The following ZNF37A variants were observed in gnomAD, a reference collection of about 807,000 sequenced individuals.
ZNF37A encodes zinc finger protein 37a (KOX 21).
In ZNF37A, 10 loss-of-function variants were observed where a neutral mutation model predicts 12.3. The ratio of observed to expected loss-of-function variants is 0.82; its 90% confidence interval spans 0.50 to 1.38. ZNF37A has a LOEUF of 1.38. ZNF37A is among the 40% of genes most tolerant of loss of function. The pLI, the probability that ZNF37A is intolerant of heterozygous loss-of-function variation, is 0.00. For missense variants in ZNF37A, 580 were observed against 651.2 expected (o/e 0.89, Z 1.19); for synonymous variants, 207 against 223.0 (o/e 0.93, Z 0.64).
rs925757656 is a variant in ZNF37A at position 38,119,116 on chromosome 10, A to T, written c.*279A>T. 8 of 1,091,448 alleles carry T rather than the reference A, an allele frequency of 7.3e-6. No homozygotes were observed. In the African/African-American group the frequency reaches 1.3e-4, roughly 18 times the overall value. 67.6% of individuals were successfully genotyped at this position (1,091,448 alleles called of 1,614,324 possible). A position where few individuals can be genotyped will look rare whatever the true frequency, so the allele number is the denominator to read the frequency against. ...CTTCATTAAACATCAGAGAATTCAC[A>T]CGGGGTGAAACCTGGGTCAGCATCC... is the stretch of plus-strand genomic sequence containing the variant. On this transcript the variant is annotated 3_prime_UTR_variant, in exon 8 of 8. Transcript: ENST00000685332.
intron 7 of ZNF37A, chr10:38,117,115 A>G: frequency 1.1e-6 from 1 of 871,528 alleles, no homozygotes; most frequent in Non-Finnish European, 1.4e-6. Context: ...TCTCAAAAAC[A>G]CCACCACCAC....
chr10:38,128,967 T>G (rs1191463565), downstream of ZNF37A, among the ~76,000 whole-genome samples: 1 of 152,116 alleles, frequency 6.6e-6, no homozygotes, highest in Non-Finnish European at 1.5e-5. Context: ...TTGGCCAGGC[T>G]GGTCTCGAAC....
At chr10:38,113,338 A>T (rs1271109153) in intron 5 of ZNF37A, among the ~76,000 whole-genome samples, 3 of 143,852 alleles carry the variant, frequency 2.1e-5, no homozygotes, top group African/African-American at 7.8e-5. Flanking sequence ...TCAGCCTCCC[A>T]AGTAGCTGGG....
At chr10:38,107,674 T>C (rs1339549844) in intron 5 of ZNF37A, among the ~76,000 whole-genome samples, 2 of 151,938 alleles carry the variant, frequency 1.3e-5, no homozygotes, top group East Asian at 3.9e-4. Context: ...TACCAAGCAA[T>C]TGGAAAGCAA....
At chr10:38,114,704 A>C (rs766039002) in intron 5 of ZNF37A, 51 bp from the exon 6 acceptor site, 36 of 1,611,924 alleles carry the variant, frequency 2.2e-5, no homozygotes, top group Non-Finnish European at 7.6e-6. Flanking sequence ...ATCTTTTTTC[A>C]CGTCAACTGA....
Position 38,117,612 on chromosome 10 carries a change from C to T in ZNF37A, c.461C>T (p.Ala154Val). 2 of 1,613,864 alleles carry T rather than the reference C, an allele frequency of 1.2e-6. No individual in the cohort carries two copies. Among genetic ancestry groups the T allele is most frequent in the Admixed American group, 1.7e-5 (1 of 59,956 alleles). Reference sequence around the variant, plus strand: ...TTTGAATACAATGAATGTGGGAAAGCTTTCCCTGAGAATTCACTCTTCCTT... The same window carrying T: ...TTTGAATACAATGAATGTGGGAAAGTTTTCCCTGAGAATTCACTCTTCCTT... Reference protein sequence around the residue: ...QSFEYNECGKAFPENSLFLVH... With the variant: ...QSFEYNECGKVFPENSLFLVH... The change falls in exon 8 of 8, where the codon GCT becomes GTT. Residue 154 changes from alanine to valine, a missense_variant. By Grantham distance (64) the Ala-to-Val change is moderately conservative. Transcript: ENST00000685332.
intron 7 of ZNF37A, chr10:38,117,113 A>ACAC (rs200285037): frequency 1.5e-5 from 14 of 929,196 alleles, no homozygotes; most frequent in African/African-American, 1.8e-5. Context: ...TGTCTCAAAA[A>ACAC]CACCACCACC....
At chr10:38,138,524 C>T (rs1337726132) in intron 7 of ZNF37A, 1 of 152,096 alleles carries the variant, frequency 6.6e-6, no homozygotes, top group Non-Finnish European at 1.5e-5. Flanking sequence ...ATGAAACAAG[C>T]TTTACATATG....
rs2069591054 is a variant in ZNF37A, at chr10:38,119,909, A to C, written c.*1072A>C. On this transcript the variant is annotated 3_prime_UTR_variant, in exon 8 of 8. Transcript: ENST00000685332. Reference sequence around the variant, plus strand: ...CTCAGAATGGTGGATCAAAGCAGCAAGTCAATTTGCCTTGTATGCAACTTA... The same window carrying C: ...CTCAGAATGGTGGATCAAAGCAGCACGTCAATTTGCCTTGTATGCAACTTA... 1.3e-5 allele frequency: 2 copies of C among 152,216 alleles called. No individual in the cohort carries two copies. Among genetic ancestry groups the C allele is most frequent in the African/African-American group, 4.8e-5 (2 of 41,458 alleles). 9.4% of individuals were successfully genotyped at this position (152,216 alleles called of 1,614,324 possible). A position where few individuals can be genotyped will look rare whatever the true frequency, so the allele number is the denominator to read the frequency against.
chr10:38,119,019 T>C lies in ZNF37A; in HGVS notation c.*182T>C. The C allele has an allele frequency of 7.8e-7, 1 of 1,289,940 alleles. No homozygotes were observed. The highest frequency in any genetic ancestry group is 9.8e-7 in the Non-Finnish European group (1 of 1,020,900). 79.9% of individuals were successfully genotyped at this position (1,289,940 alleles called of 1,614,324 possible). A position where few individuals can be genotyped will look rare whatever the true frequency, so the allele number is the denominator to read the frequency against. ...TTATTCTGGAATTTGGACCATACAC[T>C]ATGTTACAAAACTAAAAGTGGAAAA... On this transcript the variant is annotated 3_prime_UTR_variant, in exon 8 of 8. Coordinates refer to ENST00000685332, the MANE Select transcript of ZNF37A (RefSeq NM_001324250.3).
intron 7 of ZNF37A, among the ~76,000 whole-genome samples, chr10:38,145,255 A>G (rs2070236755): frequency 6.6e-6 from 1 of 152,206 alleles, no homozygotes; most frequent in Non-Finnish European, 1.5e-5. Flanking sequence ...TACGGAGGCT[A>G]TGGAAATAGT....
At chr10:38,103,338 A>C (rs1358153267) in intron 5 of ZNF37A, among the ~76,000 whole-genome samples, 2 of 152,108 alleles carry the variant, frequency 1.3e-5, no homozygotes, top group African/African-American at 4.8e-5. Context: ...TGATTTTAAA[A>C]AATTTTAGTT....
chr10:38,147,139 C>T (rs2070265291), exon 8 of ZNF37A: 1 of 166,856 alleles, frequency 6.0e-6, no homozygotes, highest in African/African-American at 2.4e-5. Flanking sequence ...GTTCCTTGCC[C>T]TGCTCCAGTA....
intron 7 of ZNF37A, among the ~76,000 whole-genome samples, chr10:38,116,410 G>A (rs988469916): frequency 2.0e-5 from 3 of 152,144 alleles, no homozygotes; most frequent in African/African-American, 4.8e-5. Context: ...AAATGAACCT[G>A]GGAAATTTGG....
intron 5 of ZNF37A, among the ~76,000 whole-genome samples, chr10:38,102,604 G>A (rs2067689673): frequency 6.6e-6 from 1 of 152,118 alleles, no homozygotes; most frequent in African/African-American, 2.4e-5. Context: ...AATACAATAA[G>A]ACTGGCTTTT....
chr10:38,146,812 C>T (rs536919914), exon 8 of ZNF37A: 4 of 398,166 alleles, frequency 1.0e-5, no homozygotes, highest in East Asian at 3.6e-5. Context: ...TCCAACCGAG[C>T]GGCACTAGAG....
chr10:38,096,282 T>C (rs2067149288), intron 4 of ZNF37A, among the ~76,000 whole-genome samples: 1 of 152,240 alleles, frequency 6.6e-6, no homozygotes, highest in Admixed American at 6.5e-5. Context: ...TATTTTTGTT[T>C]AGCATCAGTT....
At position 38,118,424 on chromosome 10, in the gene ZNF37A, A is replaced by G. The variant is rs1305863598; in HGVS notation, c.1273A>G (p.Thr425Ala). The G allele has an allele frequency of 1.9e-6, 3 of 1,613,988 alleles. No individual in the cohort carries two copies. Among genetic ancestry groups the G allele is most frequent in the African/African-American group, 1.3e-5 (1 of 75,062 alleles). ...ECGKSFSEKSTLTKHLRTHTG... is the reference protein window; with the variant it reads ...ECGKSFSEKSALTKHLRTHTG... ...TGGGAAGTCATTCTCTGAGAAGTCA[A>G]CCCTTACTAAACATCTAAGAACTCA... Residue 425 changes from threonine (T) to alanine (A), a missense_variant, in exon 8 of 8, where the codon ACC (threonine) becomes GCC (alanine). Coordinates refer to ENST00000685332, the MANE Select transcript of ZNF37A (RefSeq NM_001324250.3).
chr10:38,123,424 T>C lies in ZNF37A; in HGVS notation c.*4587T>C, dbSNP rs548003829. Reference sequence around the variant, plus strand: ...TTTATTGTTAACACTGGAAAAAGTTTTCCAAAACGTATATGGCAGAAATAT... The same window carrying C: ...TTTATTGTTAACACTGGAAAAAGTTCTCCAAAACGTATATGGCAGAAATAT... On this transcript the variant is annotated 3_prime_UTR_variant, in exon 8 of 8. Transcript: ENST00000685332. The C allele has an allele frequency of 3.9e-5, 6 of 152,270 alleles. No individual in the cohort carries two copies. The South Asian group carries it at 1.2e-3, about 32-fold the overall frequency. The allele number at this position is 152,270 out of a possible 1,614,324, so 9.4% of individuals were successfully genotyped here. A position where few individuals can be genotyped will look rare whatever the true frequency, so the allele number is the denominator to read the frequency against.
Sources: gnomAD v4.1 joint callset for allele counts (sites outside exome capture counted in the v4.1 genomes callset) on GRCh38, gnomAD v4.1.1 for gene constraint, MANE v1.5 for transcripts, NCBI Gene and HGNC (gene_info 2026-07-23, HGNC 2026-07-21) for gene names.